Variants in PIKFYVE observed in about 807,000 individuals in gnomAD.
PIKFYVE encodes the protein 1-phosphatidylinositol 3-phosphate 5-kinase.
PIKFYVE carries 122 observed loss-of-function variants against 257.9 expected under a neutral mutation model. The observed-to-expected ratio is 0.47, with a 90% CI of 0.41 to 0.55. The LOEUF (loss-of-function observed/expected upper bound fraction) is 0.55, where lower values mean the gene tolerates loss of function less well. Ranked by LOEUF, PIKFYVE falls within the 20% of genes least tolerant of loss-of-function variation. PIKFYVE has a pLI of 0.00. For missense variants in PIKFYVE, 2,160 were observed against 2,536.6 expected, an observed-to-expected ratio of 0.85 and a Z score of 3.19; for synonymous variants, 892 against 868.9, an observed-to-expected ratio of 1.03 and a Z score of -0.47.
chr2:208,280,409 C>G (rs1024867915), intron 5 of PIKFYVE, among the ~76,000 whole-genome samples: 6 of 152,170 alleles, frequency 3.9e-5, no homozygotes, highest in African/African-American at 1.2e-4. Flanking sequence ...CTTCACTGAT[C>G]ACCTGACCTC....
chr2:208,319,821 G>C (rs1011627732), intron 16 of PIKFYVE, among the ~76,000 whole-genome samples: 4 of 152,226 alleles, frequency 2.6e-5, no homozygotes, highest in East Asian at 3.9e-4. Flanking sequence ...TGTTCAGGAG[G>C]CATTTTAATT....
chr2:208,314,466 A>C, intron 14 of PIKFYVE, 43 bp downstream of exon 14: 1 of 1,571,618 alleles, frequency 6.4e-7, no homozygotes, highest in Non-Finnish European at 8.7e-7. Flanking sequence ...CACTTTTATT[A>C]TCTTCAGTGA....
chr2:208,278,096 C>G (rs930444034), intron 5 of PIKFYVE, among the ~76,000 whole-genome samples: 1 of 152,132 alleles, frequency 6.6e-6, no homozygotes, highest in Non-Finnish European at 1.5e-5. Flanking sequence ...TACTCAGATT[C>G]CTCCATAAGG....
At position 208,298,732 on chromosome 2, in the gene PIKFYVE, A is replaced by G; in HGVS notation, c.1003A>G (p.Thr335Ala). The change falls in exon 8 of 42, where the codon ACA (threonine) becomes GCA (alanine). Residue 335 changes from threonine (T) to alanine (A), a missense_variant. By Grantham distance (58) the Thr-to-Ala change is moderately conservative (BLOSUM62 0). This residue lies in a region of PIKFYVE where 187 missense variants were observed against 185.6 expected (regional missense o/e 1.01). Coordinates refer to ENST00000264380, the MANE Select transcript of PIKFYVE (RefSeq NM_015040.4). ...ATCTGTCAGTCCCCAGGCTAACCGAACATATGTTAGGACAGAGACCACTGA... is the reference window on the plus strand; with the variant it reads ...ATCTGTCAGTCCCCAGGCTAACCGAGCATATGTTAGGACAGAGACCACTGA... ...ETSVSPQANR[T>A]YVRTETTEDE... 6.2e-7 allele frequency: 1 copy of G among 1,614,192 alleles called. No individual in the cohort carries two copies. The highest frequency in any genetic ancestry group is 8.5e-7 in the Non-Finnish European group (1 of 1,180,020).
At position 208,288,766 on chromosome 2, in the gene PIKFYVE, A is replaced by G. The variant is rs1438334395; in HGVS notation, c.859A>G (p.Thr287Ala). The change falls in exon 7 of 42, where the codon ACA (threonine) becomes GCA (alanine). Residue 287 changes from threonine (T) to alanine (A), a missense_variant. Coordinates refer to ENST00000264380, the MANE Select transcript of PIKFYVE (RefSeq NM_015040.4). ...AGATTCCTCAAATACTCCTCTTTCA[A>G]CAAGACTTGTATCTGTGCAAGAGGA... Reference protein sequence around the residue: ...HPDSSNTPLSTRLVSVQEDAG... With the variant: ...HPDSSNTPLSARLVSVQEDAG... The G allele has an allele frequency of 2.5e-6, 4 of 1,614,038 alleles. No individual in the cohort carries two copies. The highest frequency in any genetic ancestry group is 2.2e-5 in the South Asian group (2 of 91,074).
chr2:208,302,278 T>C lies in PIKFYVE; in HGVS notation c.1245T>C (p.Asp415=), dbSNP rs1559085192. The C allele has an allele frequency of 1.2e-6, 2 of 1,614,030 alleles. No individual in the cohort carries two copies. Among genetic ancestry groups the C allele is most frequent in the Non-Finnish European group, 1.7e-6 (2 of 1,179,998 alleles). Residue 415 remains aspartate (D), a synonymous_variant, in exon 10 of 42, where the codon GAT becomes GAC. Coordinates refer to ENST00000264380, the MANE Select transcript of PIKFYVE (RefSeq NM_015040.4). ...QAIAIGQAMV[D]GRWLDCVSHH... is the part of the protein sequence containing the mutation. Reference sequence around the variant, plus strand: ...TAGCAATTGGACAAGCAATGGTTGATGGACGTTGGCTGGATTGTGTTAGTC... The same window carrying C: ...TAGCAATTGGACAAGCAATGGTTGACGGACGTTGGCTGGATTGTGTTAGTC...
At chr2:208,312,166 T>C in intron 12 of PIKFYVE, 70 bp from the exon 13 acceptor site, 1 of 1,112,606 alleles carries the variant, frequency 9.0e-7, no homozygotes. Context: ...CTCTATATAA[T>C]TATGCTGACA....
At chr2:208,277,318 T>C (rs1690242058) in intron 4 of PIKFYVE, among the ~76,000 whole-genome samples, 1 of 152,206 alleles carries the variant, frequency 6.6e-6, no homozygotes, top group Non-Finnish European at 1.5e-5. Context: ...CTGTCTAAAA[T>C]TATTGTAGCA....
At chr2:208,291,230 A>C (rs1692273394) in intron 7 of PIKFYVE, among the ~76,000 whole-genome samples, 1 of 152,092 alleles carries the variant, frequency 6.6e-6, no homozygotes, top group Non-Finnish European at 1.5e-5. Flanking sequence ...ATTTTGTCAA[A>C]TGCTTTTTCT....
chr2:208,339,623 A>G (rs900115113), intron 30 of PIKFYVE, 68 bp downstream of exon 30: 57 of 1,568,174 alleles, frequency 3.6e-5, no homozygotes, highest in Middle Eastern at 1.7e-4. Flanking sequence ...ATTGATTTAC[A>G]TGAATTACAG....
At chr2:208,291,748 G>T (rs547080947) in intron 7 of PIKFYVE, among the ~76,000 whole-genome samples, 253 of 151,738 alleles carry the variant, frequency 1.7e-3, no homozygotes, top group Non-Finnish European at 3.0e-3. Context: ...TGATTTTATT[G>T]ATCTTTTCAA....
chr2:208,324,813 A>G (rs762630729), intron 18 of PIKFYVE, 98 bp from the exon 19 acceptor site: 1 of 1,400,156 alleles, frequency 7.1e-7, no homozygotes, highest in South Asian at 1.2e-5. Context: ...AAATTTGTGA[A>G]TGTTATTTTT....
chr2:208,338,927 C>T (rs4673400), intron 29 of PIKFYVE, among the ~76,000 whole-genome samples: 149,958 of 152,328 alleles, frequency 0.98, 73,849 homozygotes, highest in East Asian at 1. Flanking sequence ...TTGTCTAGAC[C>T]TAAGATGTCT....
chr2:208,315,508 T>G (rs999557999), intron 15 of PIKFYVE, 135 bp downstream of exon 15: 2 of 873,422 alleles, frequency 2.3e-6, no homozygotes, highest in African/African-American at 5.6e-5. Context: ...TTTTGCTGTC[T>G]GCTTTGTTAG....
At chr2:208,347,225 A>G (rs1464726048) in intron 34 of PIKFYVE, among the ~76,000 whole-genome samples, 1 of 152,216 alleles carries the variant, frequency 6.6e-6, no homozygotes, top group East Asian at 1.9e-4. Context: ...TGAGTTTTGT[A>G]AATGGTAAAT....
chr2:208,309,431 C>T (rs1185106935), intron 12 of PIKFYVE, among the ~76,000 whole-genome samples: 2 of 152,076 alleles, frequency 1.3e-5, no homozygotes, highest in Admixed American at 6.6e-5. Flanking sequence ...GTGCCAACCC[C>T]GCACTCCCTG....
At chr2:208,266,529 CGGGGGCTA>C (rs1054400224) in intron 1 of PIKFYVE, 114 bp downstream of exon 1, 8 of 152,858 alleles carry the variant, frequency 5.2e-5, no homozygotes, top group African/African-American at 1.7e-4. Context: ...GCTCCGCAGT[CGGGGGCTA>C]GGGCCTGGCT....
chr2:208,320,416 T>G (rs1696079797), intron 17 of PIKFYVE, 57 bp downstream of exon 17: 11 of 1,585,578 alleles, frequency 6.9e-6, no homozygotes, highest in African/African-American at 1.3e-5. Context: ...ACCATGATGC[T>G]TATAAACTCT....
At chr2:208,275,510 A>G (rs1689988237) in intron 3 of PIKFYVE, among the ~76,000 whole-genome samples, 1 of 152,220 alleles carries the variant, frequency 6.6e-6, no homozygotes, top group African/African-American at 2.4e-5. Context: ...AAGTTTAGTT[A>G]TTCTAATACA....
Sources: gnomAD v4.1 joint callset for allele counts (sites outside exome capture counted in the v4.1 genomes callset) on GRCh38, gnomAD v4.1.1 for gene constraint, gnomAD v4.1.1 regional missense constraint, MANE v1.5 for transcripts, NCBI Gene and HGNC (gene_info 2026-07-23, HGNC 2026-07-21) for gene names.